Variants in GCLM observed in about 807,000 individuals in gnomAD.
GCLM encodes glutamate--cysteine ligase regulatory subunit.
Under a neutral mutation model 36.0 loss-of-function variants are expected in GCLM, and 15 were observed. That is an observed-to-expected ratio of 0.42 (90% CI 0.28 to 0.64). GCLM has a LOEUF of 0.64. Among genes scored for constraint, GCLM ranks in the 30% least tolerant of loss-of-function variants. GCLM has a pLI of 0.25. For missense variants in GCLM, 242 were observed against 325.5 expected (o/e 0.74, Z 1.97); for synonymous variants, 129 against 122.8 (o/e 1.05, Z -0.34).
intron 6 of GCLM, 51 bp from the exon 7 acceptor site, chr1:93,889,210 A>G: frequency 7.4e-7 from 1 of 1,344,422 alleles, no homozygotes; most frequent in African/African-American, 1.5e-5. Context: ...TTGGAAAACA[A>G]AAAAGCACTT....
chr1:93,893,771 CT>C (rs1656618991), intron 6 of GCLM, among the ~76,000 whole-genome samples: 1 of 152,158 alleles, frequency 6.6e-6, no homozygotes. Flanking sequence ...TCTTCCAAGT[CT>C]TTCTAGTTAT....
At chr1:93,909,013 C>T in intron 1 of GCLM, 25 bp downstream of exon 1, 1 of 1,437,824 alleles carries the variant, frequency 7.0e-7, no homozygotes, top group Non-Finnish European at 9.1e-7. Context: ...CCCGGGAGCC[C>T]CGCGGCGAGT....
In GCLM at chr1:93,904,598, G is replaced by T. The variant is rs751170589; in HGVS notation, c.127-10C>A. 2 of 1,584,162 alleles carry T rather than the reference G, an allele frequency of 1.3e-6. No individual in the cohort carries two copies. Among genetic ancestry groups the T allele is most frequent in the Non-Finnish European group, 1.7e-6 (2 of 1,152,978 alleles). On this transcript the variant is annotated splice_polypyrimidine_tract_variant and intron_variant, in intron 1 of 6. Coordinates refer to ENST00000370238, the MANE Select transcript of GCLM (RefSeq NM_002061.4). ...GGATACAATCATGAAGCTGCAAAAG[G>T]AATGCATTTTGAAACTGTTAATCAA... is the stretch of plus-strand genomic sequence containing the variant.
In GCLM at chr1:93,896,615, C is replaced by T. The variant is rs1460598174; in HGVS notation, c.540+3G>A. The T allele has an allele frequency of 2.5e-6, 4 of 1,611,202 alleles. No homozygotes were observed. The highest frequency in any genetic ancestry group is 2.5e-6 in the Non-Finnish European group (3 of 1,177,304). On this transcript the variant is annotated splice_donor_region_variant and intron_variant, in intron 5 of 6. Transcript: ENST00000370238. ...GAGTGCTCATGATCCTGCCATCCCT[C>T]ACCTGTGCCCACTGATACAGCTGTT...
At position 93,885,860 on chromosome 1, in the gene GCLM, T is replaced by G. The variant is rs937170380; in HGVS notation, c.*3130A>C. The G allele has an allele frequency of 1.3e-5, 2 of 152,204 alleles. No homozygotes were observed. Among genetic ancestry groups the G allele is most frequent in the African/African-American group, 4.8e-5 (2 of 41,476 alleles). The allele number at this position is 152,204 out of a possible 1,614,324, so 9.4% of individuals were successfully genotyped here. A position where few individuals can be genotyped will look rare whatever the true frequency, so the allele number is the denominator to read the frequency against. ...TAAATGAACCTTAGACCTTTTATCA[T>G]TGAAAATTAAGATCCTAATTTTAGT... On this transcript the variant is annotated 3_prime_UTR_variant, in exon 7 of 7. Coordinates refer to ENST00000370238, the MANE Select transcript of GCLM (RefSeq NM_002061.4).
intron 3 of GCLM, among the ~76,000 whole-genome samples, chr1:93,901,321 T>C (rs1186266845): frequency 6.6e-6 from 1 of 152,196 alleles, no homozygotes; most frequent in African/African-American, 2.4e-5. Flanking sequence ...ATCTTTCTAC[T>C]GCTCTGAAGT....
intron 3 of GCLM, among the ~76,000 whole-genome samples, chr1:93,899,380 C>T (rs1164561416): frequency 6.6e-6 from 1 of 152,126 alleles, no homozygotes; most frequent in Non-Finnish European, 1.5e-5. Flanking sequence ...GCCAATTTTA[C>T]ATGCTCATTT....
intron 6 of GCLM, 98 bp from the exon 7 acceptor site, chr1:93,889,257 C>T: frequency 1.5e-6 from 1 of 650,454 alleles, no homozygotes; most frequent in South Asian, 2.5e-5. Flanking sequence ...ACAAAAGAAA[C>T]ACCTCAACAT....
Position 93,888,866 on chromosome 1 carries a change from G to A in GCLM, c.*124C>T. On this transcript the variant is annotated 3_prime_UTR_variant, in exon 7 of 7. Transcript: ENST00000370238. ...TTTAAAACTTGACAGACAACATACT[G>A]TCAAATATGACGAAAGAATATCTGC... 1 of 626,004 alleles carries A rather than the reference G, an allele frequency of 1.6e-6. No homozygotes were observed. The highest frequency in any genetic ancestry group is 2.6e-5 in the South Asian group (1 of 37,864). 38.8% of individuals were successfully genotyped at this position (626,004 alleles called of 1,614,324 possible).
chr1:93,899,876 TTATG>T (rs1409007078), intron 3 of GCLM, among the ~76,000 whole-genome samples: 2 of 152,138 alleles, frequency 1.3e-5, no homozygotes, highest in Non-Finnish European at 2.9e-5. Context: ...CATATTTACT[TTATG>T]TAAACTCACT....
At chr1:93,890,862 T>C (rs1656507375) in intron 6 of GCLM, among the ~76,000 whole-genome samples, 2 of 151,354 alleles carry the variant, frequency 1.3e-5, no homozygotes, top group East Asian at 3.9e-4. Context: ...GCAGTGCCAA[T>C]TCTTTTTTTC....
chr1:93,897,395 A>T (rs1656770833), intron 4 of GCLM, among the ~76,000 whole-genome samples: 1 of 152,206 alleles, frequency 6.6e-6, no homozygotes, highest in South Asian at 2.1e-4. Flanking sequence ...TACATTAAAG[A>T]GCCAATTATT....
rs1466186370 is a variant in GCLM, at chr1:93,888,014, T to A, written c.*976A>T. 1.3e-5 allele frequency: 2 copies of A among 152,220 alleles called. No individual in the cohort carries two copies. Among genetic ancestry groups the A allele is most frequent in the Admixed American group, 6.5e-5 (1 of 15,282 alleles). The allele number at this position is 152,220 out of a possible 1,614,324, so 9.4% of individuals were successfully genotyped here. A position where few individuals can be genotyped will look rare whatever the true frequency, so the allele number is the denominator to read the frequency against. ...ATCTCAAAGTTGTTTAAGTAGATAA[T>A]GTCGGCCCTGAATTAAGGATTTTTT... On this transcript the variant is annotated 3_prime_UTR_variant, in exon 7 of 7. Transcript: ENST00000370238.
chr1:93,908,749 A>C (rs1657242383), intron 1 of GCLM: 1 of 236,022 alleles, frequency 4.2e-6, no homozygotes, highest in African/African-American at 2.3e-5. Context: ...TGCCAGGAAG[A>C]GGGACCCAGG....
Position 93,887,000 on chromosome 1 carries a change from T to TC in GCLM, c.*1989_*1990insG. ...CACATGATTTCACATAATTTTTCTT[T>TC]TTTTTTTTTTTTTGAGACGCAGTCT... On this transcript the variant is annotated 3_prime_UTR_variant, in exon 7 of 7. Transcript: ENST00000370238. 6.7e-6 allele frequency: 1 copy of TC among 149,842 alleles called. No homozygotes were observed. The highest frequency in any genetic ancestry group is 1.9e-4 in the East Asian group (1 of 5,160). 9.3% of individuals were successfully genotyped at this position (149,842 alleles called of 1,614,324 possible).
At chr1:93,908,470 C>T (rs3789453) in intron 1 of GCLM, among the ~76,000 whole-genome samples, 109,962 of 152,078 alleles carry the variant, frequency 0.72, 39,922 homozygotes, top group Admixed American at 0.8. Flanking sequence ...CATACATAGA[C>T]GCACAGATAA....
intron 5 of GCLM, among the ~76,000 whole-genome samples, chr1:93,895,538 A>G (rs1021767070): frequency 1.3e-5 from 2 of 152,184 alleles, no homozygotes; most frequent in Middle Eastern, 3.2e-3. Flanking sequence ...AAGAATTGAC[A>G]GCTTCCAGTA....
In GCLM at chr1:93,899,374, A is replaced by G. The variant is rs17880917; in HGVS notation, c.278-1476T>C. On this transcript the variant is annotated intron_variant, in intron 3 of 6. Transcript: ENST00000370238. ...AGGCGTGAGCCACTGCGCCCAGCCA[A>G]TTTTACATGCTCATTTTTTAATGGT... Among the ~76,000 whole-genome samples the G allele has an allele frequency of 8.5e-3, 1,296 of 152,204 alleles. 18 individuals carry two copies. Among genetic ancestry groups the G allele is most frequent in the Non-Finnish European group, 0.01 (687 of 67,998 alleles).
intron 6 of GCLM, among the ~76,000 whole-genome samples, chr1:93,892,403 CT>C (rs1437996367): frequency 1.3e-5 from 2 of 151,810 alleles, no homozygotes; most frequent in Non-Finnish European, 2.9e-5. Context: ...AGTTTGGTTG[CT>C]TAAAAAAATA....
Sources: allele counts gnomAD v4.1 joint callset (sites outside exome capture counted in the v4.1 genomes callset), GRCh38; gene constraint gnomAD v4.1.1; transcripts MANE v1.5; gene names NCBI Gene and HGNC (gene_info 2026-07-23, HGNC 2026-07-21).